KCNQ1OT1: variants seen among roughly 807,000 people sequenced by gnomAD.
KCNQ1OT1 encodes the protein KCNQ1 opposite strand/antisense transcript 1, also known as KCNQ1 antisense RNA 2 (non-protein coding).
exon 1 of KCNQ1OT1, chr11:2,656,112 G>C (rs1054738342): frequency 2.5e-6 from 1 of 398,514 alleles, no homozygotes; most frequent in African/African-American, 2.1e-5. Context: ...GCAACTCTAC[G>C]TTCTAGCCTG....
chr11:2,646,183 C>G, exon 1 of KCNQ1OT1: 1 of 398,626 alleles, frequency 2.5e-6, no homozygotes, highest in Non-Finnish European at 4.4e-6. Context: ...ACTGTGGTTA[C>G]CTACTTGCTA....
Position 2,659,703 on chromosome 11 carries a change from C to T in KCNQ1OT1, n.40292G>A, listed in dbSNP as rs1311261182. 1.3e-5 allele frequency: 5 copies of T among 398,352 alleles called. No homozygotes were observed. The highest frequency in any genetic ancestry group is 1.0e-4 in the African/African-American group (5 of 48,612). The allele number at this position is 398,352 out of a possible 1,614,324, so 24.7% of individuals were successfully genotyped here. On this transcript the variant is annotated non_coding_transcript_exon_variant, in exon 1 of 1. Transcript: ENST00000597346. The surrounding 1 kb of genome is among the most constrained non-coding windows in gnomAD (Gnocchi z 4.3). ...TTCCTAAAGTCACTGTGCCATTTTG[C>T]ATTCCCACCAGTAACATATGAGAGT...
Position 2,612,559 on chromosome 11 carries a change from A to G in KCNQ1OT1, n.87436T>C, listed in dbSNP as rs554601030. 2.0e-5 allele frequency: 8 copies of G among 398,608 alleles called. No homozygotes were observed. The highest frequency in any genetic ancestry group is 6.2e-5 in the African/African-American group (3 of 48,758). 24.7% of individuals were successfully genotyped at this position (398,608 alleles called of 1,614,324 possible). A position where few individuals can be genotyped will look rare whatever the true frequency, so the allele number is the denominator to read the frequency against. ...TAGTGAGTTTTTCACCTAAGTTATT[A>G]TATTTCACAACTACAGAATTTCTAT... On this transcript the variant is annotated non_coding_transcript_exon_variant, in exon 1 of 1. Coordinates refer to ENST00000597346, the Ensembl canonical transcript of KCNQ1OT1. The surrounding 1 kb of genome is among the most constrained non-coding windows in gnomAD (Gnocchi z 5.5).
Position 2,683,720 on chromosome 11 carries a change from C to G in KCNQ1OT1, n.16275G>C. ...GGACTCAGGCCTTTCCTTACTCCCT[C>G]TGGTTACCTAGCTTTAGCTCTGAGG... On this transcript the variant is annotated non_coding_transcript_exon_variant, in exon 1 of 1. Coordinates refer to ENST00000597346, the Ensembl canonical transcript of KCNQ1OT1. This position sits in a 1 kb window ranked among gnomAD's most constrained non-coding sequence, Gnocchi z 4.7. 1 of 398,654 alleles carries G rather than the reference C, an allele frequency of 2.5e-6. No homozygotes were observed. Among genetic ancestry groups the G allele is most frequent in the Non-Finnish European group, 4.4e-6 (1 of 226,072 alleles). 24.7% of individuals were successfully genotyped at this position (398,654 alleles called of 1,614,324 possible).
exon 1 of KCNQ1OT1, chr11:2,622,294 T>G: frequency 2.5e-6 from 1 of 398,378 alleles, no homozygotes; most frequent in East Asian, 3.6e-5. Flanking sequence ...TTTCTCAGTA[T>G]GTAATGTCCT....
At chr11:2,672,376 T>A (rs908273142) in exon 1 of KCNQ1OT1, 1 of 346,554 alleles carries the variant, frequency 2.9e-6, no homozygotes, top group Admixed American at 5.3e-5. Flanking sequence ...CAGGCTGATA[T>A]GATTGAGCTC....
Position 2,647,549 on chromosome 11 carries a change from C to G in KCNQ1OT1, n.52446G>C, listed in dbSNP as rs1355353610. On this transcript the variant is annotated non_coding_transcript_exon_variant, in exon 1 of 1. Coordinates refer to ENST00000597346, the Ensembl canonical transcript of KCNQ1OT1. This position sits in a 1 kb window ranked among gnomAD's most constrained non-coding sequence, Gnocchi z 4.0. ...TAGGGAGAATTCCTTTCTCTTCAGT[C>G]TTTTGGAATTGTCTGAGAAGAATTC... The G allele has an allele frequency of 1.5e-5, 6 of 398,378 alleles. No individual in the cohort carries two copies. Among genetic ancestry groups the G allele is most frequent in the Non-Finnish European group, 2.2e-5 (5 of 226,060 alleles). The allele number at this position is 398,378 out of a possible 1,614,324, so 24.7% of individuals were successfully genotyped here. A position where few individuals can be genotyped will look rare whatever the true frequency, so the allele number is the denominator to read the frequency against.
rs543773415 is a variant in KCNQ1OT1 at position 2,678,916 on chromosome 11, C to A, written n.21079G>T. ...TCGTATACATGTATGATCATACTTT[C>A]AGGGCATCTTGGAAAAACTGAATTT... On this transcript the variant is annotated non_coding_transcript_exon_variant, in exon 1 of 1. Coordinates refer to ENST00000597346, the Ensembl canonical transcript of KCNQ1OT1. The surrounding 1 kb of genome is among the most constrained non-coding windows in gnomAD (Gnocchi z 4.9). The A allele has an allele frequency of 2.3e-5, 9 of 398,572 alleles. No homozygotes were observed. 24.7% of individuals were successfully genotyped at this position (398,572 alleles called of 1,614,324 possible).
exon 1 of KCNQ1OT1, chr11:2,609,342 G>C (rs1356159590): frequency 5.0e-6 from 2 of 398,154 alleles, no homozygotes; most frequent in African/African-American, 2.1e-5. Context: ...TAATTTCTTT[G>C]CTACTGAGTT....
chr11:2,681,959 C>T, exon 1 of KCNQ1OT1: 1 of 398,646 alleles, frequency 2.5e-6, no homozygotes, highest in Non-Finnish European at 4.4e-6. Flanking sequence ...ACTACTTACA[C>T]TTCCTGTTTG....
chr11:2,697,527 C>T, exon 1 of KCNQ1OT1: 1 of 398,588 alleles, frequency 2.5e-6, no homozygotes, highest in Non-Finnish European at 4.4e-6. Context: ...GAAGAAGTTC[C>T]TCTCTAGTCC....
chr11:2,611,851 C>T lies in KCNQ1OT1; in HGVS notation n.88144G>A, dbSNP rs773180683. 2.5e-6 allele frequency: 1 copy of T among 398,340 alleles called. No individual in the cohort carries two copies. The highest frequency in any genetic ancestry group is 4.4e-6 in the Non-Finnish European group (1 of 226,004). 24.7% of individuals were successfully genotyped at this position (398,340 alleles called of 1,614,324 possible). ...ATGTTCTAGAGTACCATTCTAATTC[C>T]TTTGTTAGTTTATTTCCCCCATTTT... On this transcript the variant is annotated non_coding_transcript_exon_variant, in exon 1 of 1. Transcript: ENST00000597346. The surrounding 1 kb of genome is among the most constrained non-coding windows in gnomAD (Gnocchi z 5.3).
rs1229343239 is a variant in KCNQ1OT1, at chr11:2,659,639, T to A, written n.40356A>T. ...GGAAAGGAACCGATAGGTCATGTGG[T>A]ATGTGTATGTTTAACTTAATAAGAA... On this transcript the variant is annotated non_coding_transcript_exon_variant, in exon 1 of 1. Coordinates refer to ENST00000597346, the Ensembl canonical transcript of KCNQ1OT1. This position sits in a 1 kb window ranked among gnomAD's most constrained non-coding sequence, Gnocchi z 4.3. 1.3e-5 allele frequency: 5 copies of A among 398,440 alleles called. No individual in the cohort carries two copies. Among genetic ancestry groups the A allele is most frequent in the African/African-American group, 1.0e-4 (5 of 48,650 alleles). 24.7% of individuals were successfully genotyped at this position (398,440 alleles called of 1,614,324 possible).
At chr11:2,666,123 C>T (rs895847305) in exon 1 of KCNQ1OT1, 5 of 398,706 alleles carry the variant, frequency 1.3e-5, no homozygotes, top group Non-Finnish European at 2.2e-5. Flanking sequence ...CTGAAGGGCC[C>T]CTGTCTCTTC....
exon 1 of KCNQ1OT1, chr11:2,610,716 CTTTTTTTT>C (rs1167505141): frequency 6.7e-4 from 155 of 230,026 alleles, no homozygotes; most frequent in East Asian, 1.5e-3. Flanking sequence ...TCTTGGTTGG[CTTTTTTTT>C]TTTTTTTTTT....
chr11:2,634,700 G>A (rs900896740), exon 1 of KCNQ1OT1: 1 of 152,168 alleles, frequency 6.6e-6, no homozygotes, highest in African/African-American at 2.4e-5. Context: ...TACCCAGTAA[G>A]GGGATGGCTG....
At chr11:2,694,813 T>G (rs567239368) in exon 1 of KCNQ1OT1, 4 of 398,526 alleles carry the variant, frequency 1.0e-5, no homozygotes, top group Non-Finnish European at 1.8e-5. Context: ...AGCTAGTGAG[T>G]GACTGAAGGG....
At chr11:2,672,630 G>A (rs1850206844) in exon 1 of KCNQ1OT1, 1 of 398,614 alleles carries the variant, frequency 2.5e-6, no homozygotes, top group South Asian at 1.3e-4. Context: ...GAAGGACTCT[G>A]GGTAAATGGA....
exon 1 of KCNQ1OT1, chr11:2,643,854 C>G (rs1849619036): frequency 1.0e-5 from 4 of 398,526 alleles, no homozygotes; most frequent in Admixed American, 4.4e-5. Flanking sequence ...ACGAATATAA[C>G]TTTGCTAAGT....
Sources: allele counts gnomAD v4.1 joint callset, GRCh38; gene constraint gnomAD v4.1.1; non-coding constraint Gnocchi (gnomAD v3.1); transcripts MANE v1.5; gene names NCBI Gene and HGNC (gene_info 2026-07-23, HGNC 2026-07-21).